Variants in ALOX5AP observed in about 807,000 individuals in gnomAD.
The protein encoded by ALOX5AP is arachidonate 5-lipoxygenase activating protein.
Under a neutral mutation model 18.5 loss-of-function variants are expected in ALOX5AP, and 9 were observed. The observed-to-expected ratio is 0.49, with a 90% CI of 0.29 to 0.85. The LOEUF (loss-of-function observed/expected upper bound fraction) is 0.85. Among genes scored for constraint, ALOX5AP ranks in the 40% least tolerant of loss-of-function variants. The pLI is 0.08. For missense variants in ALOX5AP, 172 were observed against 202.5 expected, an observed-to-expected ratio of 0.85 and a Z score of 0.91; for synonymous variants, 81 against 78.6, an observed-to-expected ratio of 1.03 and a Z score of -0.16.
intron 2 of ALOX5AP, among the ~76,000 whole-genome samples, chr13:30,744,671 A>G (rs1231971576): frequency 6.6e-6 from 1 of 152,266 alleles, no homozygotes; most frequent in Non-Finnish European, 1.5e-5. Flanking sequence ...TGGGGACATT[A>G]GCAGGTGCTT....
At chr13:30,759,156 A>AT in intron 4 of ALOX5AP, among the ~76,000 whole-genome samples, 1 of 152,102 alleles carries the variant, frequency 6.6e-6, no homozygotes, top group Admixed American at 6.6e-5. Context: ...CATTTAAGCT[A>AT]TTACCTGGGC....
intron 4 of ALOX5AP, among the ~76,000 whole-genome samples, chr13:30,762,164 G>A (rs752889250): frequency 6.6e-6 from 1 of 152,172 alleles, no homozygotes; most frequent in Non-Finnish European, 1.5e-5. Context: ...GGTTCCAGAG[G>A]GACCTGAGAT....
chr13:30,764,076 C>T lies in ALOX5AP; in HGVS notation c.456C>T (p.Thr152=). 6.2e-7 allele frequency: 1 copy of T among 1,614,184 alleles called. No homozygotes were observed. Residue 152 remains threonine, a synonymous_variant, in exon 5 of 5, where the codon ACC becomes ACT. Coordinates refer to ENST00000380490, the MANE Select transcript of ALOX5AP (RefSeq NM_001629.4). The stretch of plus-strand genomic sequence containing the variant: ...AAAACTACATAAAGACGATCTCCAC[C>T]ACCATCTCCCCTCTACTTCTCATTC... ...DFENYIKTIS[T]TISPLLLIP
At chr13:30,720,946 T>A (rs1951588599) in intron 1 of ALOX5AP, among the ~76,000 whole-genome samples, 1 of 152,164 alleles carries the variant, frequency 6.6e-6, no homozygotes. Context: ...TGGGCACAAA[T>A]GCTCTTTGGT....
At chr13:30,746,115 T>C (rs2137815475) in intron 2 of ALOX5AP, among the ~76,000 whole-genome samples, 1 of 152,364 alleles carries the variant, frequency 6.6e-6, no homozygotes, top group South Asian at 2.1e-4. Context: ...CTGGGCTCGC[T>C]AGTTGCCAGC....
At chr13:30,762,513 C>T (rs961941961) in intron 4 of ALOX5AP, among the ~76,000 whole-genome samples, 21 of 151,352 alleles carry the variant, frequency 1.4e-4, no homozygotes, top group African/African-American at 3.4e-4. Context: ...CGCTTGAACC[C>T]GGGAGGCAGA....
chr13:30,717,262 G>GA (rs1951557453), intron 1 of ALOX5AP, among the ~76,000 whole-genome samples: 1 of 152,134 alleles, frequency 6.6e-6, no homozygotes, highest in Admixed American at 6.5e-5. Flanking sequence ...TACTGTTTTT[G>GA]AAAAAACTCC....
chr13:30,735,710 G>A (rs1049113284), intron 1 of ALOX5AP, 35 bp downstream of exon 1: 2 of 1,608,994 alleles, frequency 1.2e-6, no homozygotes, highest in Middle Eastern at 1.7e-4. Flanking sequence ...AAGAACAGAA[G>A]GGGAGATTTT....
At chr13:30,747,721 A>T (rs1951820375) in intron 2 of ALOX5AP, among the ~76,000 whole-genome samples, 1 of 152,274 alleles carries the variant, frequency 6.6e-6, no homozygotes, top group South Asian at 2.1e-4. Context: ...TTCTTTATAG[A>T]CAGACTTTTG....
upstream of ALOX5AP, chr13:30,735,461 G>C: frequency 9.7e-7 from 1 of 1,036,238 alleles, no homozygotes; most frequent in Non-Finnish European, 1.3e-6. Context: ...AAAAAAAAAG[G>C]AAGAAGAAGG....
At chr13:30,748,205 C>A (rs1355166675) in intron 2 of ALOX5AP, among the ~76,000 whole-genome samples, 1 of 152,168 alleles carries the variant, frequency 6.6e-6, no homozygotes, top group African/African-American at 2.4e-5. Flanking sequence ...AGACGTGAGC[C>A]ACTGGTGCCT....
chr13:30,744,801 C>T (rs553561370), intron 2 of ALOX5AP, among the ~76,000 whole-genome samples: 1 of 152,334 alleles, frequency 6.6e-6, no homozygotes, highest in South Asian at 2.1e-4. Context: ...TCAAATGCTC[C>T]TCTCTTCTTT....
At chr13:30,718,656 T>G (rs1406208432) in intron 1 of ALOX5AP, among the ~76,000 whole-genome samples, 1 of 152,138 alleles carries the variant, frequency 6.6e-6, no homozygotes, top group Admixed American at 6.5e-5. Context: ...AAAAGGCCTT[T>G]TATTCTCTTC....
chr13:30,730,079 G>A (rs527651276), intron 1 of ALOX5AP, among the ~76,000 whole-genome samples: 4 of 152,292 alleles, frequency 2.6e-5, no homozygotes, highest in Admixed American at 6.5e-5. Flanking sequence ...CTATTTGTTC[G>A]CTTAGCGCAG....
At chr13:30,730,229 A>G (rs979938759) in intron 1 of ALOX5AP, among the ~76,000 whole-genome samples, 1 of 152,260 alleles carries the variant, frequency 6.6e-6, no homozygotes, top group Non-Finnish European at 1.5e-5. Context: ...ATAGAATGGC[A>G]TGAGGATTCA....
intron 2 of ALOX5AP, among the ~76,000 whole-genome samples, chr13:30,749,349 G>A (rs1193353593): frequency 6.6e-6 from 1 of 152,066 alleles, no homozygotes; most frequent in African/African-American, 2.4e-5. Flanking sequence ...AAGGAAGCAG[G>A]GGAAATCTTT....
At chr13:30,738,932 C>T (rs17245036) in intron 1 of ALOX5AP, among the ~76,000 whole-genome samples, 176 of 149,922 alleles carry the variant, frequency 1.2e-3, no homozygotes, top group Non-Finnish European at 1.8e-3. Flanking sequence ...AGTTCCACCC[C>T]AACACACACA....
intron 4 of ALOX5AP, among the ~76,000 whole-genome samples, chr13:30,759,879 A>G (rs1951927090): frequency 1.3e-5 from 2 of 152,354 alleles, no homozygotes; most frequent in South Asian, 4.1e-4. Context: ...CTTATGAATC[A>G]GAATCTCTGC....
chr13:30,758,162 C>A (rs17245317), intron 4 of ALOX5AP, among the ~76,000 whole-genome samples: 6,364 of 152,292 alleles, frequency 0.042, 205 homozygotes, highest in East Asian at 0.11. Context: ...GAAGAAATGT[C>A]TAAGCCTAAT....
Sources: allele counts gnomAD v4.1 joint callset (sites outside exome capture counted in the v4.1 genomes callset), GRCh38; gene constraint gnomAD v4.1.1; transcripts MANE v1.5; gene names NCBI Gene and HGNC (gene_info 2026-07-23, HGNC 2026-07-21).